MCTP1: variants seen among roughly 807,000 people sequenced by gnomAD.
The protein encoded by MCTP1 is multiple C2 and transmembrane domain containing 1, also known as multiple C2 and transmembrane domain-containing protein 1.
MCTP1 carries 69 observed loss-of-function variants against 120.6 expected under a neutral mutation model. The ratio of observed to expected loss-of-function variants is 0.57; its 90% CI spans 0.47 to 0.70. The LOEUF is 0.70. Among genes scored for constraint, MCTP1 ranks in the 30% least tolerant of loss-of-function variants. The pLI, the probability that MCTP1 is intolerant of heterozygous loss-of-function variation, is 0.00. For missense variants in MCTP1, 1,203 were observed against 1,248.8 expected (o/e 0.96, Z 0.55); for synonymous variants, 529 against 493.1 (o/e 1.07, Z -0.96).
At chr5:94,743,110 A>G (rs1338231079) in intron 19 of MCTP1, among the ~76,000 whole-genome samples, 1 of 150,692 alleles carries the variant, frequency 6.6e-6, no homozygotes, top group Non-Finnish European at 1.5e-5. Context: ...ATCTAATAAG[A>G]ATCTAATGAA....
intron 17 of MCTP1, among the ~76,000 whole-genome samples, chr5:94,831,986 C>T (rs1363122949): frequency 2.6e-5 from 4 of 152,126 alleles, no homozygotes; most frequent in African/African-American, 4.8e-5. Context: ...AAAGAAGAAA[C>T]GCTTCTACGG....
Position 94,844,141 on chromosome 5 carries a change from A to G in MCTP1, c.2436+24192T>C, listed in dbSNP as rs13358783. The stretch of plus-strand genomic sequence containing the variant: ...AACATGGTGAAACCCTGTCTCTACT[A>G]AAAATACAAAACTTAGCAGGGTGTA... On this transcript the variant is annotated intron_variant, in intron 17 of 22. Coordinates refer to ENST00000515393, the MANE Select transcript of MCTP1 (RefSeq NM_024717.7). Among the ~76,000 whole-genome samples the G allele has an allele frequency of 8.4e-3, 1,276 of 152,060 alleles. 18 individuals are homozygous for G. Among genetic ancestry groups the G allele is most frequent in the African/African-American group, 0.03 (1,225 of 41,488 alleles).
chr5:94,710,980 A>T, intron 20 of MCTP1, 53 bp from the exon 21 acceptor site: 1 of 1,190,994 alleles, frequency 8.4e-7, no homozygotes, highest in Non-Finnish European at 1.2e-6. Flanking sequence ...CTTTTTTCAA[A>T]TATTAAAATA....
intron 2 of MCTP1, among the ~76,000 whole-genome samples, chr5:94,958,621 A>C (rs1823295305): frequency 1.3e-5 from 2 of 152,222 alleles, no homozygotes; most frequent in Admixed American, 6.5e-5. Context: ...AGAAACTACC[A>C]TCAGAGAATA....
intron 19 of MCTP1, among the ~76,000 whole-genome samples, chr5:94,729,100 C>G (rs1400297372): frequency 6.6e-6 from 1 of 152,186 alleles, no homozygotes; most frequent in East Asian, 1.9e-4. Context: ...TCAGTGAGGG[C>G]TGCTCTAATG....
At chr5:95,264,726 C>T (rs1758745179) in intron 1 of MCTP1, among the ~76,000 whole-genome samples, 1 of 152,196 alleles carries the variant, frequency 6.6e-6, no homozygotes, top group Admixed American at 6.5e-5. Flanking sequence ...GGGTCCAAAT[C>T]ACTCCCAATG....
chr5:94,889,191 G>A (rs1432812322), intron 11 of MCTP1, among the ~76,000 whole-genome samples: 1 of 151,736 alleles, frequency 6.6e-6, no homozygotes, highest in Non-Finnish European at 1.5e-5. Context: ...TTGTTTTCTC[G>A]TATTTATTTC....
chr5:95,105,149 G>T lies in MCTP1; in HGVS notation c.721-87665C>A, dbSNP rs1442431500. On this transcript the variant is annotated intron_variant, in intron 1 of 22. Coordinates refer to ENST00000515393, the MANE Select transcript of MCTP1 (RefSeq NM_024717.7). Reference sequence around the variant, plus strand: ...GAAGGAAAGCTACTTTAGCAGCTCTGAGCCAGTTAGTAAACTGTAGAGCTG... The same window carrying T: ...GAAGGAAAGCTACTTTAGCAGCTCTTAGCCAGTTAGTAAACTGTAGAGCTG... Among the ~76,000 whole-genome samples the T allele has an allele frequency of 2.0e-5, 3 of 152,192 alleles. No homozygotes were observed. In the South Asian group the frequency reaches 6.2e-4, roughly 31 times the overall value.
intron 1 of MCTP1, among the ~76,000 whole-genome samples, chr5:95,076,956 G>T (rs945803428): frequency 6.6e-6 from 1 of 151,890 alleles, no homozygotes; most frequent in Non-Finnish European, 1.5e-5. Flanking sequence ...TTCCCTCCCC[G>T]CCTTGTAAAC....
At chr5:95,087,279 C>A (rs1049770864) in intron 1 of MCTP1, among the ~76,000 whole-genome samples, 4 of 152,148 alleles carry the variant, frequency 2.6e-5, no homozygotes, top group African/African-American at 9.7e-5. Flanking sequence ...AAGAATTAAA[C>A]TTTGAAATAA....
At chr5:95,028,259 A>C (rs1669775781) in intron 1 of MCTP1, among the ~76,000 whole-genome samples, 1 of 152,174 alleles carries the variant, frequency 6.6e-6, no homozygotes, top group Non-Finnish European at 1.5e-5. Flanking sequence ...GTAAACTAGA[A>C]TGCATGGTTA....
intron 1 of MCTP1, among the ~76,000 whole-genome samples, chr5:95,272,218 C>T (rs954100732): frequency 2.0e-5 from 3 of 152,078 alleles, no homozygotes; most frequent in East Asian, 1.9e-4. Flanking sequence ...ATGTCACAAA[C>T]ATCATAGGAG....
chr5:94,708,374 G>A (rs541901024), intron 22 of MCTP1, 138 bp downstream of exon 22: 2 of 542,462 alleles, frequency 3.7e-6, no homozygotes, highest in South Asian at 5.6e-5. Flanking sequence ...ATTTCTGACT[G>A]GTAAAATCTG....
rs1247558819 is a variant in MCTP1 at position 94,953,818 on chromosome 5, AATATATATATACAT to A, written c.839-471_839-458del. 8.3e-5 allele frequency among the ~76,000 whole-genome samples: 5 copies of A among 60,440 alleles called. 1 individual carries two copies. The highest frequency in any genetic ancestry group is 1.2e-4 in the Non-Finnish European group (4 of 33,808). The allele number at this position is 60,440 out of a possible 152,430, so 39.7% of individuals were successfully genotyped here. A position where few individuals can be genotyped will look rare whatever the true frequency, so the allele number is the denominator to read the frequency against. On this transcript the variant is annotated intron_variant, in intron 2 of 22. Transcript: ENST00000515393. ...GCATATATATACATATATATATACA[AATATATATATACAT>A]ATATATATATACACAACTATATATA...
intron 18 of MCTP1, among the ~76,000 whole-genome samples, chr5:94,787,622 G>GTTT (rs11432604): frequency 4.3e-4 from 61 of 141,438 alleles, no homozygotes; most frequent in African/African-American, 1.6e-3. Context: ...GTTTTTTTTT[G>GTTT]TTTTTTTTTT....
intron 1 of MCTP1, among the ~76,000 whole-genome samples, chr5:95,169,455 A>T (rs1398667443): frequency 6.6e-6 from 1 of 152,202 alleles, no homozygotes; most frequent in African/African-American, 2.4e-5. Flanking sequence ...TGATTGGAAT[A>T]GTTTCAGAAG....
At chr5:95,184,490 C>T (rs1344363383) in intron 1 of MCTP1, among the ~76,000 whole-genome samples, 4 of 152,138 alleles carry the variant, frequency 2.6e-5, no homozygotes, top group Non-Finnish European at 5.9e-5. Context: ...TGCTTCTAAC[C>T]TTTAAGCTGT....
chr5:95,162,424 A>G (rs1240342024), intron 1 of MCTP1, among the ~76,000 whole-genome samples: 1 of 152,178 alleles, frequency 6.6e-6, no homozygotes, highest in East Asian at 1.9e-4. Context: ...AAGGAAACAG[A>G]CTGTTAAATG....
chr5:95,072,656 A>G (rs1282675583), intron 1 of MCTP1, among the ~76,000 whole-genome samples: 3 of 151,998 alleles, frequency 2.0e-5, no homozygotes, highest in Non-Finnish European at 1.5e-5. Context: ...ATGTCAAATA[A>G]TATTCTCAAA....
Sources: allele counts gnomAD v4.1 joint callset (sites outside exome capture counted in the v4.1 genomes callset), GRCh38; gene constraint gnomAD v4.1.1; transcripts MANE v1.5; gene names NCBI Gene and HGNC (gene_info 2026-07-23, HGNC 2026-07-21).